The following CD48 variants were observed in gnomAD, a reference collection of about 807,000 sequenced individuals.
CD48 encodes CD48 molecule.
Under a neutral mutation model 22.0 loss-of-function variants are expected in CD48, and 20 were observed. That is an observed-to-expected ratio of 0.91 (90% CI 0.64 to 1.32). The LOEUF (loss-of-function observed/expected upper bound fraction) is 1.32. Among genes scored for constraint, CD48 ranks in the 40% most tolerant of loss-of-function variants. CD48 has a pLI of 0.00. For synonymous variants in CD48, 110 were observed against 110.1 expected, an observed-to-expected ratio of 1.00 and a Z score of 0.01; for missense variants, 307 against 286.5, an observed-to-expected ratio of 1.07 and a Z score of -0.52.
chr1:160,680,741 T>C (rs753421115), intron 3 of CD48: 554 of 1,046,310 alleles, frequency 5.3e-4, no homozygotes, highest in Non-Finnish European at 6.1e-4. Flanking sequence ...GCCCGTCTCC[T>C]CAGTCCCTCT....
intron 1 of CD48, among the ~76,000 whole-genome samples, chr1:160,687,807 T>G (rs1462467734): frequency 6.6e-6 from 1 of 152,226 alleles, no homozygotes; most frequent in African/African-American, 2.4e-5. Flanking sequence ...TAGTGGGGTT[T>G]AATCCATAAA....
chr1:160,701,946 C>A (rs1216292313), intron 1 of CD48, among the ~76,000 whole-genome samples: 2 of 152,130 alleles, frequency 1.3e-5, no homozygotes. Context: ...TACATTAATC[C>A]AGTAAGTGGC....
At chr1:160,693,970 A>G (rs1662318374) in intron 1 of CD48, among the ~76,000 whole-genome samples, 1 of 152,250 alleles carries the variant, frequency 6.6e-6, no homozygotes, top group Non-Finnish European at 1.5e-5. Flanking sequence ...GTACTATACA[A>G]GCAGTCTCTC....
At chr1:160,698,665 T>G (rs1662517770) in intron 1 of CD48, among the ~76,000 whole-genome samples, 1 of 152,108 alleles carries the variant, frequency 6.6e-6, no homozygotes, top group South Asian at 2.1e-4. Flanking sequence ...ATACGTCAGA[T>G]TTTTGTATTA....
Position 160,678,781 on chromosome 1 carries a change from T to A in CD48, c.*271A>T, listed in dbSNP as rs1405976828. On this transcript the variant is annotated 3_prime_UTR_variant, in exon 4 of 4. Transcript: ENST00000368046. Reference sequence around the variant, plus strand: ...TGACAATTATATCAAATGTTTATTTTAAAAAATAATAAAACATTCACATAA... The same window carrying A: ...TGACAATTATATCAAATGTTTATTTAAAAAAATAATAAAACATTCACATAA... 1.3e-5 allele frequency: 4 copies of A among 296,534 alleles called. No individual in the cohort carries two copies. Among genetic ancestry groups the A allele is most frequent in the Non-Finnish European group, 2.5e-5 (4 of 159,768 alleles). 18.4% of individuals were successfully genotyped at this position (296,534 alleles called of 1,614,324 possible). A position where few individuals can be genotyped will look rare whatever the true frequency, so the allele number is the denominator to read the frequency against.
At chr1:160,691,743 C>G (rs1182467782) in intron 1 of CD48, 1 of 353,862 alleles carries the variant, frequency 2.8e-6, no homozygotes, top group Non-Finnish European at 5.1e-6. Context: ...GAGGGGCAAC[C>G]CACCCCTTCA....
chr1:160,684,524 C>G, intron 2 of CD48: 1 of 537,010 alleles, frequency 1.9e-6, no homozygotes, highest in South Asian at 2.5e-5. Flanking sequence ...TTAATACATT[C>G]TCTTTTTTCT....
chr1:160,683,603 T>G (rs1661887289), intron 2 of CD48: 1 of 152,032 alleles, frequency 6.6e-6, no homozygotes, highest in Admixed American at 6.6e-5. Context: ...TCCCAGGACT[T>G]TCTGAATTTT....
In CD48 at chr1:160,683,722, T is replaced by A. The variant is rs1380780181; in HGVS notation, c.385+1165A>T. The A allele has an allele frequency of 4.6e-5, 7 of 152,284 alleles. No individual in the cohort carries two copies. In the East Asian group the frequency reaches 1.3e-3, roughly 29 times the overall value. 9.4% of individuals were successfully genotyped at this position (152,284 alleles called of 1,614,324 possible). ...TATACAACACTCTTCATTTGCATGT[T>A]TTGACATTTTAAAAAATGTTTTCAC... On this transcript the variant is annotated intron_variant, in intron 2 of 3. Coordinates refer to ENST00000368046, the MANE Select transcript of CD48 (RefSeq NM_001778.4).
At chr1:160,706,697 T>A (rs1662806050) in intron 1 of CD48, among the ~76,000 whole-genome samples, 1 of 152,198 alleles carries the variant, frequency 6.6e-6, no homozygotes, top group Non-Finnish European at 1.5e-5. Flanking sequence ...TTTACTTTCT[T>A]AATGAACTCG....
chr1:160,684,929 T>G lies in CD48; in HGVS notation c.343A>C (p.Thr115Pro). 1 of 1,614,162 alleles carries G rather than the reference T, an allele frequency of 6.2e-7. No individual in the cohort carries two copies. The highest frequency in any genetic ancestry group is 1.1e-5 in the South Asian group (1 of 91,084). ...STYIMRVLKK[T>P]GNEQEWKIKL... is the part of the protein sequence containing the mutation. ...ATCTTCCATTCTTGCTCATTCCCAG[T>G]CTTTTTCAACACCCTCATGATGTAG... Residue 115 changes from threonine (T) to proline (P), a missense_variant, in exon 2 of 4, where the codon ACT becomes CCT. By Grantham distance (38) the Thr-to-Pro change is conservative. Coordinates refer to ENST00000368046, the MANE Select transcript of CD48 (RefSeq NM_001778.4).
chr1:160,689,004 T>G (rs980690955), intron 1 of CD48, among the ~76,000 whole-genome samples: 1 of 152,116 alleles, frequency 6.6e-6, no homozygotes, highest in African/African-American at 2.4e-5. Flanking sequence ...CCCTCAAAAT[T>G]TTTAGGGCAT....
At chr1:160,681,572 C>T in intron 2 of CD48, 104 bp from the exon 3 acceptor site, 4 of 1,406,748 alleles carry the variant, frequency 2.8e-6, no homozygotes, top group Non-Finnish European at 2.9e-6. Flanking sequence ...CCTGAATGCC[C>T]CAGGAGGCAG....
intron 1 of CD48, among the ~76,000 whole-genome samples, chr1:160,688,743 G>A (rs558028679): frequency 1.7e-4 from 26 of 152,112 alleles, no homozygotes; most frequent in Non-Finnish European, 2.9e-5. Context: ...CTTGGGGGGC[G>A]GGTAATGCCT....
At chr1:160,701,558 G>T (rs1332407170) in intron 1 of CD48, among the ~76,000 whole-genome samples, 1 of 152,076 alleles carries the variant, frequency 6.6e-6, no homozygotes, top group African/African-American at 2.4e-5. Flanking sequence ...ACTGGGAGGG[G>T]TTTGGTAATC....
chr1:160,688,929 A>G (rs180871527), intron 1 of CD48, among the ~76,000 whole-genome samples: 72 of 152,242 alleles, frequency 4.7e-4, no homozygotes, highest in Admixed American at 4.6e-3. Context: ...AAACCATATG[A>G]GTCATTTTTT....
At chr1:160,699,425 G>T (rs374518412) in intron 1 of CD48, 2 of 153,274 alleles carry the variant, frequency 1.3e-5, no homozygotes, top group African/African-American at 4.8e-5. Flanking sequence ...ATATGGCCTC[G>T]TGGGAAGGGA....
At chr1:160,680,371 C>A (rs1327174805) in intron 3 of CD48, 2 of 162,572 alleles carry the variant, frequency 1.2e-5, no homozygotes, top group African/African-American at 2.4e-5. Flanking sequence ...GACTTGTCAG[C>A]CACTGTGATA....
chr1:160,694,610 G>A (rs990672280), intron 1 of CD48, among the ~76,000 whole-genome samples: 1 of 152,032 alleles, frequency 6.6e-6, no homozygotes, highest in African/African-American at 2.4e-5. Flanking sequence ...CACCATGACC[G>A]CTACATTATA....
Sources: gnomAD v4.1 joint callset for allele counts (sites outside exome capture counted in the v4.1 genomes callset) on GRCh38, gnomAD v4.1.1 for gene constraint, MANE v1.5 for transcripts, NCBI Gene and HGNC (gene_info 2026-07-23, HGNC 2026-07-21) for gene names.